EBF1: variants seen among roughly 807,000 people sequenced by gnomAD.
The protein encoded by EBF1 is EBF transcription factor 1, also known as transcription factor COE1.
A neutral mutation model predicts 68.4 loss-of-function variants in EBF1; 10 were observed. The ratio of observed to expected loss-of-function variants is 0.15; its 90% CI spans 0.09 to 0.25. The LOEUF is 0.25. EBF1 is among the 10% of genes least tolerant of loss of function. The pLI, the probability that EBF1 is intolerant of heterozygous loss-of-function variation, is 1.00. For missense variants in EBF1, 509 were observed against 794.4 expected, an observed-to-expected ratio of 0.64 and a Z score of 4.32; for synonymous variants, 298 against 299.8, an observed-to-expected ratio of 0.99 and a Z score of 0.06.
At chr5:158,733,761 C>T (rs1193423986) in intron 10 of EBF1, among the ~76,000 whole-genome samples, 1 of 152,158 alleles carries the variant, frequency 6.6e-6, no homozygotes, top group African/African-American at 2.4e-5. Context: ...GCCCTCAATA[C>T]AGGTATTGAA....
chr5:158,905,972 A>C (rs1562265921), intron 6 of EBF1, among the ~76,000 whole-genome samples: 1 of 152,194 alleles, frequency 6.6e-6, no homozygotes, highest in East Asian at 1.9e-4. Context: ...CTTCGTTAAC[A>C]GGAGTTATTT....
At chr5:158,726,897 AC>A (rs908696467) in intron 11 of EBF1, among the ~76,000 whole-genome samples, 37 of 152,354 alleles carry the variant, frequency 2.4e-4, no homozygotes, top group African/African-American at 8.9e-4. Flanking sequence ...GGGGACTCTA[AC>A]TTCTCATCTG....
Position 158,698,979 on chromosome 5 carries a change from T to TA in EBF1, c.*131dup. On this transcript the variant is annotated 3_prime_UTR_variant, in exon 16 of 16. Transcript: ENST00000313708. ...TGCAAGGTCGGTGATTTTGTTTGTT[T>TA]AAAAATCTGCAGTTATTGTGATTCC... The TA allele has an allele frequency of 1.3e-6, 1 of 780,746 alleles. No individual in the cohort carries two copies. The highest frequency in any genetic ancestry group is 1.9e-6 in the Non-Finnish European group (1 of 520,790). The allele number at this position is 780,746 out of a possible 1,614,324, so 48.4% of individuals were successfully genotyped here. A position where few individuals can be genotyped will look rare whatever the true frequency, so the allele number is the denominator to read the frequency against.
At chr5:159,038,878 C>T (rs553990533) in intron 6 of EBF1, among the ~76,000 whole-genome samples, 1 of 152,168 alleles carries the variant, frequency 6.6e-6, no homozygotes, top group African/African-American at 2.4e-5. Flanking sequence ...TGTAGGATCT[C>T]GGACAAGTAG....
At chr5:158,907,061 A>C (rs1412521679) in intron 6 of EBF1, among the ~76,000 whole-genome samples, 1 of 152,230 alleles carries the variant, frequency 6.6e-6, no homozygotes, top group Non-Finnish European at 1.5e-5. Flanking sequence ...GTTGGAACTC[A>C]GTTCTAAAAC....
At chr5:159,015,317 C>G (rs1438973008) in intron 6 of EBF1, among the ~76,000 whole-genome samples, 1 of 152,176 alleles carries the variant, frequency 6.6e-6, no homozygotes, top group Non-Finnish European at 1.5e-5. Context: ...ATGGTGAACT[C>G]CCACTAAATG....
chr5:158,997,461 C>T (rs947788785), intron 6 of EBF1, among the ~76,000 whole-genome samples: 7 of 152,096 alleles, frequency 4.6e-5, no homozygotes, highest in Non-Finnish European at 7.4e-5. Context: ...GTTTATCCTC[C>T]GTCTACTCCT....
intron 6 of EBF1, among the ~76,000 whole-genome samples, chr5:158,959,055 G>A (rs1561630910): frequency 6.6e-6 from 1 of 152,190 alleles, no homozygotes; most frequent in East Asian, 1.9e-4. Flanking sequence ...AAATTCTAGT[G>A]AGAGGAGGGA....
At chr5:158,819,251 G>A (rs1784354670) in intron 8 of EBF1, among the ~76,000 whole-genome samples, 1 of 152,246 alleles carries the variant, frequency 6.6e-6, no homozygotes, top group Non-Finnish European at 1.5e-5. Context: ...AATGCTGCCT[G>A]TGAGTTCACC....
intron 6 of EBF1, among the ~76,000 whole-genome samples, chr5:158,916,644 G>A (rs936039164): frequency 6.6e-6 from 1 of 152,148 alleles, no homozygotes; most frequent in African/African-American, 2.4e-5. Flanking sequence ...TTTGAACCCA[G>A]GTCTCTCTAT....
chr5:158,869,986 G>A (rs1796599330), intron 6 of EBF1, among the ~76,000 whole-genome samples: 2 of 152,116 alleles, frequency 1.3e-5, no homozygotes, highest in Non-Finnish European at 1.5e-5. Flanking sequence ...TCCACAATAT[G>A]CCAAATACTC....
In EBF1 at chr5:158,902,763, C is replaced by T. The variant is rs150400100; in HGVS notation, c.555-62653G>A. Among the ~76,000 whole-genome samples the T allele has an allele frequency of 2.9e-4, 44 of 152,112 alleles. No individual in the cohort carries two copies. The East Asian group carries it at 8.3e-3, about 29-fold the overall frequency. On this transcript the variant is annotated intron_variant, in intron 6 of 15. Transcript: ENST00000313708. ...GAGCCACAGAGCCCAGCCCAAAAGG[C>T]TTCTCGTATGGGGACAACAGATTTC...
intron 6 of EBF1, among the ~76,000 whole-genome samples, chr5:158,929,245 A>G (rs1333583728): frequency 1.3e-5 from 2 of 152,214 alleles, no homozygotes; most frequent in Non-Finnish European, 2.9e-5. Context: ...GCAAACAGAG[A>G]GTAATTCTCT....
intron 9 of EBF1, among the ~76,000 whole-genome samples, chr5:158,788,305 A>G (rs1777873011): frequency 1.3e-5 from 2 of 152,190 alleles, no homozygotes; most frequent in African/African-American, 4.8e-5. Flanking sequence ...AAAAGGTGGT[A>G]TTTTACAGGA....
intron 10 of EBF1, among the ~76,000 whole-genome samples, chr5:158,772,301 C>A (rs368844116): frequency 3.3e-5 from 5 of 152,020 alleles, no homozygotes; most frequent in Admixed American, 1.3e-4. Flanking sequence ...AGGAGGTTTC[C>A]AAGAATGAGA....
chr5:158,914,655 G>A (rs1012525591), intron 6 of EBF1, among the ~76,000 whole-genome samples: 2 of 152,132 alleles, frequency 1.3e-5, no homozygotes, highest in African/African-American at 4.8e-5. Flanking sequence ...AAGTTTCTTC[G>A]AAAGATCAAC....
intron 10 of EBF1, among the ~76,000 whole-genome samples, chr5:158,742,342 G>C (rs1766590280): frequency 1.3e-5 from 2 of 152,118 alleles, no homozygotes; most frequent in Non-Finnish European, 1.5e-5. Context: ...ACTGCAGCCA[G>C]GCTACATAAT....
chr5:158,712,088 ACATGG>A, intron 14 of EBF1, 61 bp downstream of exon 14: 1 of 1,580,066 alleles, frequency 6.3e-7, no homozygotes, highest in Non-Finnish European at 8.6e-7. Flanking sequence ...CCACTGGGCC[ACATGG>A]CATGATGCCA....
At chr5:158,771,296 T>C (rs901978366) in intron 10 of EBF1, among the ~76,000 whole-genome samples, 3 of 152,124 alleles carry the variant, frequency 2.0e-5, no homozygotes, top group Admixed American at 6.6e-5. Context: ...ACCCTTTTAC[T>C]CCTTAGATGA....
Sources: gnomAD v4.1 joint callset for allele counts (sites outside exome capture counted in the v4.1 genomes callset) on GRCh38, gnomAD v4.1.1 for gene constraint, MANE v1.5 for transcripts, NCBI Gene and HGNC (gene_info 2026-07-23, HGNC 2026-07-21) for gene names.